Variants in STON1 observed in about 807,000 individuals in gnomAD.
The protein encoded by STON1 is stonin-1.
STON1 carries 79 observed loss-of-function variants against 60.9 expected under a neutral mutation model. The ratio of observed to expected loss-of-function variants is 1.30; its 90% CI spans 1.08 to 1.56. STON1 has a LOEUF of 1.56. Ranked by LOEUF, STON1 falls within the 40% of genes most tolerant of loss-of-function variation. The pLI, the probability that STON1 is intolerant of heterozygous loss-of-function variation, is 0.00. For synonymous variants in STON1, 363 were observed against 306.9 expected, an observed-to-expected ratio of 1.18 and a Z score of -1.91; for missense variants, 1,166 against 858.9, an observed-to-expected ratio of 1.36 and a Z score of -4.47.
chr2:48,577,181 C>G (rs1673564334), intron 1 of STON1, among the ~76,000 whole-genome samples: 1 of 152,010 alleles, frequency 6.6e-6, no homozygotes, highest in Non-Finnish European at 1.5e-5. Flanking sequence ...TTAATGGTGT[C>G]TCACTTTTCT....
rs1282729382 is a variant in STON1 at position 48,597,300 on chromosome 2, T to C, written c.*1998T>C. 1 of 152,226 alleles carries C rather than the reference T, an allele frequency of 6.6e-6. No individual in the cohort carries two copies. Among genetic ancestry groups the C allele is most frequent in the Admixed American group, 6.5e-5 (1 of 15,276 alleles). The allele number at this position is 152,226 out of a possible 1,614,324, so 9.4% of individuals were successfully genotyped here. On this transcript the variant is annotated 3_prime_UTR_variant, in exon 4 of 4. Transcript: ENST00000404752. ...TCTTTATCATCTGGTGTGGGCGCAC[T>C]CTACAGTGACTTCAGTCTGCTCAGA...
chr2:48,534,554 C>G (rs1671348790), intron 1 of STON1, among the ~76,000 whole-genome samples: 2 of 152,152 alleles, frequency 1.3e-5, no homozygotes, highest in South Asian at 4.1e-4. Context: ...CACAGTGGCT[C>G]ATGCCTATAA....
At chr2:48,533,743 A>G (rs1253887681) in intron 1 of STON1, among the ~76,000 whole-genome samples, 1 of 146,746 alleles carries the variant, frequency 6.8e-6, no homozygotes, top group Admixed American at 6.8e-5. Context: ...ATCATGTTGT[A>G]TAAGAATGTT....
chr2:48,595,069 G>A (rs1185400509), intron 3 of STON1, among the ~76,000 whole-genome samples, 159 bp from the exon 4 acceptor site: 4 of 152,282 alleles, frequency 2.6e-5, no homozygotes, highest in African/African-American at 4.8e-5. Context: ...AGAGCAGAGC[G>A]CCTCACTTGG....
Position 48,582,557 on chromosome 2 carries a change from A to T in STON1, c.1924A>T (p.Asn642Tyr). Residue 642 changes from asparagine (N) to tyrosine (Y), a missense_variant, in exon 2 of 4, where the codon AAT becomes TAT. Physicochemically the swap from Asn to Tyr is moderately radical, Grantham distance 143 (BLOSUM62 -2). Coordinates refer to ENST00000404752, the MANE Select transcript of STON1 (RefSeq NM_006873.4). The stretch of plus-strand genomic sequence containing the variant: ...GAAGATAGATCGGCTTCCAGACAAA[A>T]ATTCAAGTAAATATTCAACACCCCA... Reference protein sequence around the residue: ...VWKIDRLPDKNSSLDHPHCLS... With the variant: ...VWKIDRLPDKYSSLDHPHCLS... 6.2e-7 allele frequency: 1 copy of T among 1,605,518 alleles called. No homozygotes were observed. Among genetic ancestry groups the T allele is most frequent in the Non-Finnish European group, 8.5e-7 (1 of 1,176,672 alleles).
At position 48,554,434 on chromosome 2, in the gene STON1, G is replaced by T. The variant is rs535644987; in HGVS notation, c.-48+24218G>T. On this transcript the variant is annotated intron_variant, in intron 1 of 3. Coordinates refer to ENST00000404752, the MANE Select transcript of STON1 (RefSeq NM_006873.4). ...GACGGGGTTTTACCACGTTGGCCAG[G>T]CTAGTTTCGAACTCCTGACCTCAGG... Among the ~76,000 whole-genome samples the T allele has an allele frequency of 6.6e-5, 10 of 152,144 alleles. No homozygotes were observed. In the East Asian group the frequency reaches 1.7e-3, roughly 27 times the overall value.
In STON1 at chr2:48,582,276, A is replaced by C. The variant is rs887817680; in HGVS notation, c.1643A>C (p.Asn548Thr). The C allele has an allele frequency of 1.9e-5, 30 of 1,614,092 alleles. No homozygotes were observed. Among genetic ancestry groups the C allele is most frequent in the Non-Finnish European group, 2.5e-5 (29 of 1,180,050 alleles). The stretch of plus-strand genomic sequence containing the variant: ...TACGTGGAACTTCAGGCTTTTGTCA[A>C]CATGGCCTCATTGGCGCAGAGGTCA... Reference protein sequence around the residue: ...GAYVELQAFVNMASLAQRSSY... With the variant: ...GAYVELQAFVTMASLAQRSSY... Residue 548 changes from asparagine (N) to threonine (T), a missense_variant, in exon 2 of 4, where the codon AAC becomes ACC. Transcript: ENST00000404752.
intron 1 of STON1, among the ~76,000 whole-genome samples, chr2:48,563,858 G>A (rs955447058): frequency 1.3e-5 from 2 of 149,564 alleles, no homozygotes; most frequent in Admixed American, 6.7e-5. Context: ...CATGCCTGGC[G>A]AATTTTTTTT....
chr2:48,534,522 T>C (rs1671347543), intron 1 of STON1, among the ~76,000 whole-genome samples: 1 of 152,222 alleles, frequency 6.6e-6, no homozygotes, highest in African/African-American at 2.4e-5. Flanking sequence ...AAATGTTTCA[T>C]GCTTTAGTAA....
rs1298619227 is a variant in STON1, at chr2:48,596,691, A to T, written c.*1389A>T. ...TCATGTGTTTTTTTTAATATTTAAT[A>T]TTATATTACATTCATTGAAATCTGT... On this transcript the variant is annotated 3_prime_UTR_variant, in exon 4 of 4. Transcript: ENST00000404752. 1 of 152,116 alleles carries T rather than the reference A, an allele frequency of 6.6e-6. No individual in the cohort carries two copies. Among genetic ancestry groups the T allele is most frequent in the Admixed American group, 6.5e-5 (1 of 15,268 alleles). The allele number at this position is 152,116 out of a possible 1,614,324, so 9.4% of individuals were successfully genotyped here. A position where few individuals can be genotyped will look rare whatever the true frequency, so the allele number is the denominator to read the frequency against.
chr2:48,575,755 G>GT (rs199808169), intron 1 of STON1, among the ~76,000 whole-genome samples: 25,818 of 108,920 alleles, frequency 0.24, 4,362 homozygotes, highest in East Asian at 0.33. Flanking sequence ...TTTAGTTTTT[G>GT]TTTGTTTTTT....
At chr2:48,577,774 C>G (rs866117497) in intron 1 of STON1, among the ~76,000 whole-genome samples, 1 of 151,208 alleles carries the variant, frequency 6.6e-6, no homozygotes, top group Non-Finnish European at 1.5e-5. Flanking sequence ...CACCACCACT[C>G]CCGGCTATTT....
chr2:48,539,810 A>G (rs776265007), intron 1 of STON1, among the ~76,000 whole-genome samples: 5 of 151,986 alleles, frequency 3.3e-5, no homozygotes, highest in African/African-American at 1.2e-4. Context: ...CCTGATTTCA[A>G]ATTTTATAGG....
chr2:48,544,160 ATTC>A (rs1402174353), intron 1 of STON1, among the ~76,000 whole-genome samples: 1 of 151,520 alleles, frequency 6.6e-6, no homozygotes, highest in Non-Finnish European at 1.5e-5. Context: ...AGCTATGACT[ATTC>A]TTTTTTTTCT....
At chr2:48,577,920 A>C (rs1673612027) in intron 1 of STON1, among the ~76,000 whole-genome samples, 1 of 151,276 alleles carries the variant, frequency 6.6e-6, no homozygotes, top group African/African-American at 2.4e-5. Context: ...CCGGCCAAAA[A>C]AAACCAAAAA....
chr2:48,577,559 C>A (rs983226001), intron 1 of STON1, among the ~76,000 whole-genome samples: 2 of 148,872 alleles, frequency 1.3e-5, no homozygotes. Context: ...CCAGCCTGAG[C>A]GACAGAGCGA....
At chr2:48,583,179 C>T (rs1260220009) in intron 2 of STON1, among the ~76,000 whole-genome samples, 1 of 152,226 alleles carries the variant, frequency 6.6e-6, no homozygotes, top group East Asian at 1.9e-4. Context: ...GCCTCCACTT[C>T]CCAGGCTCAA....
Position 48,590,939 on chromosome 2 carries a change from AC to A in STON1, c.1931-713del, listed in dbSNP as rs1430364892. Among the ~76,000 whole-genome samples, 4 of 152,286 alleles carry A rather than the reference AC, an allele frequency of 2.6e-5. No homozygotes were observed. In the East Asian group the frequency reaches 7.7e-4, roughly 29 times the overall value. ...GAACATTTTCTGAAAGTTAAGTTTA[AC>A]TTTTAAAAATCAGAATTTTAAAATA... On this transcript the variant is annotated intron_variant, in intron 2 of 3. Coordinates refer to ENST00000404752, the MANE Select transcript of STON1 (RefSeq NM_006873.4).
intron 1 of STON1, among the ~76,000 whole-genome samples, chr2:48,554,914 G>T (rs1314340780): frequency 1.5e-5 from 1 of 67,248 alleles, no homozygotes; most frequent in Non-Finnish European, 3.0e-5. Context: ...TGAGATTAGG[G>T]ATTGGTGATG....
Sources: allele counts gnomAD v4.1 joint callset (sites outside exome capture counted in the v4.1 genomes callset), GRCh38; gene constraint gnomAD v4.1.1; transcripts MANE v1.5; gene names NCBI Gene and HGNC (gene_info 2026-07-23, HGNC 2026-07-21).